USP25: variants seen among roughly 807,000 people sequenced by gnomAD.
USP25 encodes the protein ubiquitin carboxyl-terminal hydrolase 25.
In USP25, 85 loss-of-function variants were observed where a neutral mutation model predicts 158.5. The observed-to-expected ratio is 0.54, with a 90% CI of 0.45 to 0.64. USP25 has a LOEUF of 0.64. Among genes scored for constraint, USP25 ranks in the 30% least tolerant of loss-of-function variants. The pLI, the probability that USP25 is intolerant of heterozygous loss-of-function variation, is 0.00. For synonymous variants in USP25, 464 were observed against 460.4 expected, an observed-to-expected ratio of 1.01 and a Z score of -0.10; for missense variants, 1,242 against 1,327.3, an observed-to-expected ratio of 0.94 and a Z score of 1.00.
At chr21:15,798,920 C>T (rs970071070) in intron 5 of USP25, among the ~76,000 whole-genome samples, 1 of 151,156 alleles carries the variant, frequency 6.6e-6, no homozygotes, top group African/African-American at 2.4e-5. Flanking sequence ...AGATTTGAAA[C>T]ATTATCACTT....
chr21:15,862,426 A>G (rs2146546157), intron 20 of USP25, among the ~76,000 whole-genome samples: 1 of 152,242 alleles, frequency 6.6e-6, no homozygotes, highest in East Asian at 1.9e-4. Context: ...CAGGTATTTC[A>G]GATTAGGGAT....
rs1257667871 is a variant in USP25 at position 15,826,517 on chromosome 21, C to T, written c.1466+152C>T. ...ATTCACTTAGAAGACTGTATGTCCT[C>T]TGGGAGTTTTTTTATTATTTCAGTA... is the stretch of plus-strand genomic sequence containing the variant. On this transcript the variant is annotated intron_variant, in intron 13 of 25. Transcript: ENST00000400183. The surrounding 1 kb of genome is among the most constrained non-coding windows in gnomAD (Gnocchi z 4.8). 3.5e-6 allele frequency: 3 copies of T among 863,522 alleles called. No homozygotes were observed. Among genetic ancestry groups the T allele is most frequent in the Non-Finnish European group, 5.1e-6 (3 of 584,356 alleles). 53.5% of individuals were successfully genotyped at this position (863,522 alleles called of 1,614,324 possible). A position where few individuals can be genotyped will look rare whatever the true frequency, so the allele number is the denominator to read the frequency against.
At chr21:15,854,581 G>C (rs78728571) in intron 20 of USP25, among the ~76,000 whole-genome samples, 11,385 of 152,064 alleles carry the variant, frequency 0.075, 498 homozygotes, top group East Asian at 0.092. Flanking sequence ...TTCTGAATAT[G>C]GATTTCCTTA....
intron 5 of USP25, among the ~76,000 whole-genome samples, chr21:15,792,323 T>C (rs537824105): frequency 6.6e-6 from 1 of 151,816 alleles, no homozygotes; most frequent in East Asian, 1.9e-4. Context: ...ACAACTGTTA[T>C]CAAAATTCTT....
chr21:15,844,702 C>A (rs2038497490), intron 18 of USP25, among the ~76,000 whole-genome samples: 1 of 151,984 alleles, frequency 6.6e-6, no homozygotes, highest in Non-Finnish European at 1.5e-5. Context: ...GAAGAGTAGA[C>A]CCTGAGAAAA....
chr21:15,831,421 C>G lies in USP25; in HGVS notation c.1785C>G (p.Ala595=). Reference sequence around the variant, plus strand: ...TTTAGGTTCCTTATCGATTACATGCCGTTTTAGTTCACGAAGGCCAAGCTA... The same window carrying G: ...TTTAGGTTCCTTATCGATTACATGCGGTTTTAGTTCACGAAGGCCAAGCTA... ...SMIQVPYRLH[A]VLVHEGQANA... is the part of the protein sequence containing the mutation. Residue 595 remains alanine (A), a synonymous_variant, in exon 16 of 26, where the codon GCC becomes GCG. Coordinates refer to ENST00000400183, the MANE Select transcript of USP25 (RefSeq NM_001283041.3). 6.2e-7 allele frequency: 1 copy of G among 1,613,808 alleles called. No individual in the cohort carries two copies. The highest frequency in any genetic ancestry group is 8.5e-7 in the Non-Finnish European group (1 of 1,179,894).
At chr21:15,850,336 G>C (rs979258329) in intron 20 of USP25, among the ~76,000 whole-genome samples, 6 of 151,464 alleles carry the variant, frequency 4.0e-5, no homozygotes, top group African/African-American at 1.5e-4. Context: ...TATTATTTTT[G>C]TTATGTTTCC....
At chr21:15,806,290 CT>C (rs1036960483) in intron 7 of USP25, among the ~76,000 whole-genome samples, 3 of 149,242 alleles carry the variant, frequency 2.0e-5, no homozygotes, top group Non-Finnish European at 1.5e-5. Flanking sequence ...ATGTGTTTTA[CT>C]TTTTTTTTTC....
chr21:15,736,586 A>G (rs913730640), intron 1 of USP25, among the ~76,000 whole-genome samples: 3 of 149,470 alleles, frequency 2.0e-5, no homozygotes, highest in African/African-American at 7.4e-5. Context: ...TTTTCTTTTC[A>G]ATTTTGGCTC....
intron 10 of USP25, among the ~76,000 whole-genome samples, chr21:15,820,104 T>C (rs1014498417): frequency 3.9e-5 from 6 of 152,032 alleles, no homozygotes; most frequent in African/African-American, 1.4e-4. Context: ...GCTTATTTTA[T>C]TGATTGGGAA....
intron 17 of USP25, among the ~76,000 whole-genome samples, chr21:15,836,265 A>G (rs1030831696): frequency 6.6e-6 from 1 of 152,206 alleles, no homozygotes; most frequent in Non-Finnish European, 1.5e-5. Flanking sequence ...TGATATTCCA[A>G]TTAAGAGTAC....
At chr21:15,810,465 C>CA (rs1371856303) in intron 8 of USP25, among the ~76,000 whole-genome samples, 1 of 152,044 alleles carries the variant, frequency 6.6e-6, no homozygotes, top group Admixed American at 6.6e-5. Flanking sequence ...TTAGGTCACA[C>CA]AAACCATAAA....
At position 15,833,527 on chromosome 21, in the gene USP25, T is replaced by A; in HGVS notation, c.2173T>A (p.Ser725Thr). The change falls in exon 17 of 26, where the codon TCA (serine) becomes ACA (threonine). Residue 725 changes from serine to threonine, a missense_variant. Physicochemically the swap from Ser to Thr is moderately conservative, Grantham distance 58 (BLOSUM62 1). Around this residue, in one of 3 missense-constraint regions of USP25, gnomAD observed 608 missense variants for 605.2 expected, o/e 1.00. Coordinates refer to ENST00000400183, the MANE Select transcript of USP25 (RefSeq NM_001283041.3). ...KLLASQKLRE[S>T]ETSVTTAQAA... is the part of the protein sequence containing the mutation. ...TTTAGCGTCTCAGAAATTGAGAGAG[T>A]CAGAGACTTCTGTGACAACAGGTTT... The A allele has an allele frequency of 1.9e-6, 3 of 1,613,684 alleles. No homozygotes were observed. Among genetic ancestry groups the A allele is most frequent in the Non-Finnish European group, 2.5e-6 (3 of 1,179,824 alleles).
chr21:15,866,827 G>A (rs2039679817), intron 22 of USP25, among the ~76,000 whole-genome samples: 1 of 152,084 alleles, frequency 6.6e-6, no homozygotes, highest in Admixed American at 6.5e-5. Flanking sequence ...TGACACACGA[G>A]AAAATAAGGC....
chr21:15,791,602 G>C lies in USP25; in HGVS notation c.493G>C (p.Asp165His). 3.7e-6 allele frequency: 6 copies of C among 1,611,580 alleles called. No homozygotes were observed. The highest frequency in any genetic ancestry group is 5.1e-6 in the Non-Finnish European group (6 of 1,178,380). ...AAACCCTTATGATAGAAAAAGACAG[G>C]ACAAAGCTCCCGTTGGGCTAAAGAA... ...SRNPYDRKRQDKAPVGLKNVG... is the reference protein window; with the variant it reads ...SRNPYDRKRQHKAPVGLKNVG... The change falls in exon 5 of 26, where the codon GAC becomes CAC. Residue 165 changes from aspartate (D) to histidine (H), a missense_variant. Transcript: ENST00000400183.
intron 3 of USP25, 97 bp from the exon 4 acceptor site, chr21:15,777,807 C>A: frequency 8.7e-7 from 1 of 1,152,072 alleles, no homozygotes; most frequent in South Asian, 2.3e-5. Flanking sequence ...TTGGTACTGA[C>A]TGGTTTAAAG....
At position 15,804,208 on chromosome 21, in the gene USP25, G is replaced by T. The variant is rs913392835; in HGVS notation, c.643-913G>T. On this transcript the variant is annotated intron_variant, in intron 6 of 25. Coordinates refer to ENST00000400183, the MANE Select transcript of USP25 (RefSeq NM_001283041.3). ...CTTTCTGGAGATTTTGCTTTAATGA[G>T]CCAGTAAGAATTGAATGCTTTGTGT... Among the ~76,000 whole-genome samples the T allele has an allele frequency of 2.0e-5, 3 of 151,702 alleles. No individual in the cohort carries two copies. In the East Asian group the frequency reaches 5.8e-4, roughly 29 times the overall value.
At chr21:15,814,554 G>C (rs192631023) in intron 9 of USP25, among the ~76,000 whole-genome samples, 7 of 152,344 alleles carry the variant, frequency 4.6e-5, no homozygotes, top group African/African-American at 1.7e-4. Context: ...GGCTGAGGTG[G>C]TCTCAGATGG....
At chr21:15,738,476 A>G (rs897382396) in intron 1 of USP25, among the ~76,000 whole-genome samples, 11 of 152,178 alleles carry the variant, frequency 7.2e-5, no homozygotes, top group Non-Finnish European at 1.6e-4. Flanking sequence ...TTAACACAAA[A>G]CTATTGTACA....
Sources: gnomAD v4.1 joint callset for allele counts (sites outside exome capture counted in the v4.1 genomes callset) on GRCh38, gnomAD v4.1.1 for gene constraint, gnomAD v4.1.1 regional missense constraint, Gnocchi (gnomAD v3.1) non-coding constraint, MANE v1.5 for transcripts, NCBI Gene and HGNC (gene_info 2026-07-23, HGNC 2026-07-21) for gene names.